The following EXOC8 variants were observed in gnomAD, a reference collection of about 807,000 sequenced individuals.
The protein encoded by EXOC8 is exocyst complex 84 kDa subunit.
Under a neutral mutation model 50.8 loss-of-function variants are expected in EXOC8, and 19 were observed. That is an observed-to-expected ratio of 0.37 (90% CI 0.26 to 0.55). The LOEUF (loss-of-function observed/expected upper bound fraction) is 0.55. Among genes scored for constraint, EXOC8 ranks in the 20% least tolerant of loss-of-function variants. The pLI is 0.80. For missense variants in EXOC8, 781 were observed against 915.8 expected (o/e 0.85, Z 1.90); for synonymous variants, 384 against 367.9 (o/e 1.04, Z -0.50).
Position 231,335,641 on chromosome 1 carries a change from T to C in EXOC8, c.2105A>G (p.Lys702Arg), listed in dbSNP as rs754306236. ...RFEEGVGKPA[K>R]QLQDLRNASR... is the part of the protein sequence containing the mutation. ...TGCATTCCTCAGATCTTGGAGTTGCTTGGCAGGTTTCCCCACACCTTCTTC... is the reference window on the plus strand; with the variant it reads ...TGCATTCCTCAGATCTTGGAGTTGCCTGGCAGGTTTCCCCACACCTTCTTC... Residue 702 changes from lysine to arginine, a missense_variant, in exon 1 of 1, where the codon AAG (lysine) becomes AGG (arginine). Physicochemically the swap from Lys to Arg is conservative, Grantham distance 26. Coordinates refer to ENST00000366645, the MANE Select transcript of EXOC8 (RefSeq NM_175876.5). The C allele has an allele frequency of 2.5e-6, 4 of 1,614,188 alleles. No individual in the cohort carries two copies. In the Admixed American group the frequency reaches 5.0e-5, roughly 20 times the overall value.
chr1:231,336,323 C>A lies in EXOC8; in HGVS notation c.1423G>T (p.Glu475Ter). Reference sequence around the variant, plus strand: ...CTGTCAGTGCCTGCAAAATCGATCTCAAATTCTCTTGCAGTCTCGAGAAGG... The same window carrying A: ...CTGTCAGTGCCTGCAAAATCGATCTAAAATTCTCTTGCAGTCTCGAGAAGG... ...TSLLETAREF[E>*]IDFAGTDSGC... is the part of the protein sequence containing the mutation. Residue 475 changes from glutamate (E) to a stop codon, truncating the protein, a stop_gained, in exon 1 of 1, where the codon GAG becomes TAG. Transcript: ENST00000366645. LOFTEE classifies it high-confidence loss of function. The surrounding 1 kb of genome is among the most constrained non-coding windows in gnomAD (Gnocchi z 5.4). 1 of 1,614,018 alleles carries A rather than the reference C, an allele frequency of 6.2e-7. No individual in the cohort carries two copies. Among genetic ancestry groups the A allele is most frequent in the Non-Finnish European group, 8.5e-7 (1 of 1,179,984 alleles).
Position 231,337,035 on chromosome 1 carries a change from G to A in EXOC8, c.711C>T (p.Ala237=), listed in dbSNP as rs533997071. 2 of 1,613,976 alleles carry A rather than the reference G, an allele frequency of 1.2e-6. No homozygotes were observed. The highest frequency in any genetic ancestry group is 1.3e-5 in the African/African-American group (1 of 74,974). The change falls in exon 1 of 1, where the codon GCC becomes GCT. Residue 237 remains alanine, a synonymous_variant. Coordinates refer to ENST00000366645, the MANE Select transcript of EXOC8 (RefSeq NM_175876.5). The surrounding 1 kb of genome is among the most constrained non-coding windows in gnomAD (Gnocchi z 5.9). ...GCGGGTTGTCCTTGACATTGACTAC[G>A]GCCAAACCATCTAGGGAATAGAGAG... The part of the protein sequence containing the change: ...YNALYSLDGL[A]VVNVKDNPPM...
In EXOC8 at chr1:231,336,620, C is replaced by G; in HGVS notation, c.1126G>C (p.Val376Leu). Reference sequence around the variant, plus strand: ...TCCACTTTGGCCCTTAGTTCTTTTACAGGAGGTGGGCTAGGTTTATCTTCC... The same window carrying G: ...TCCACTTTGGCCCTTAGTTCTTTTAGAGGAGGTGGGCTAGGTTTATCTTCC... The part of the protein sequence containing the change: ...YLEDKPSPPP[V>L]KELRAKVEER... Residue 376 changes from valine to leucine, a missense_variant, in exon 1 of 1, where the codon GTA (valine) becomes CTA (leucine). By Grantham distance (32) the Val-to-Leu change is conservative (BLOSUM62 1). Transcript: ENST00000366645. This position sits in a 1 kb window ranked among gnomAD's most constrained non-coding sequence, Gnocchi z 5.4. The G allele has an allele frequency of 6.2e-7, 1 of 1,614,178 alleles. No individual in the cohort carries two copies. Among genetic ancestry groups the G allele is most frequent in the Non-Finnish European group, 8.5e-7 (1 of 1,180,042 alleles).
rs777677749 is a variant in EXOC8 at position 231,333,607 on chromosome 1, A to T, written c.*1961T>A. On this transcript the variant is annotated 3_prime_UTR_variant, in exon 1 of 1. Coordinates refer to ENST00000366645, the MANE Select transcript of EXOC8 (RefSeq NM_175876.5). ...GCACAGAATAATCATAATTATCACA[A>T]AATTTTATCAATTTCCAGTGATCTT... is the stretch of plus-strand genomic sequence containing the variant. 3 of 152,642 alleles carry T rather than the reference A, an allele frequency of 2.0e-5. No individual in the cohort carries two copies. The highest frequency in any genetic ancestry group is 2.9e-5 in the Non-Finnish European group (2 of 68,030). 9.5% of individuals were successfully genotyped at this position (152,642 alleles called of 1,614,324 possible). A position where few individuals can be genotyped will look rare whatever the true frequency, so the allele number is the denominator to read the frequency against.
chr1:231,337,547 A>G lies in EXOC8; in HGVS notation c.199T>C (p.Tyr67His). 1 of 1,613,230 alleles carries G rather than the reference A, an allele frequency of 6.2e-7. No individual in the cohort carries two copies. Among genetic ancestry groups the G allele is most frequent in the Non-Finnish European group, 8.5e-7 (1 of 1,179,940 alleles). The change falls in exon 1 of 1, where the codon TAC (tyrosine) becomes CAC (histidine). Residue 67 changes from tyrosine (Y) to histidine (H), a missense_variant. Tyr to His is a moderately conservative substitution (Grantham distance 83, BLOSUM62 2). Transcript: ENST00000366645. The surrounding 1 kb of genome is among the most constrained non-coding windows in gnomAD (Gnocchi z 5.9). ...CGGGCCGTCTCTATGAACTGCCGGTAGTTCTGGTAGACGTTGCGCTTCAGG... is the reference window on the plus strand; with the variant it reads ...CGGGCCGTCTCTATGAACTGCCGGTGGTTCTGGTAGACGTTGCGCTTCAGG... ...QNLKRNVYQNYRQFIETAREI... is the reference protein window; with the variant it reads ...QNLKRNVYQNHRQFIETAREI...
rs779190697 is a variant in EXOC8 at position 231,337,427 on chromosome 1, G to A, written c.319C>T (p.Pro107Ser). 6.2e-7 allele frequency: 1 copy of A among 1,608,374 alleles called. No individual in the cohort carries two copies. Among genetic ancestry groups the A allele is most frequent in the Non-Finnish European group, 8.5e-7 (1 of 1,179,772 alleles). The change falls in exon 1 of 1, where the codon CCT (proline) becomes TCT (serine). Residue 107 changes from proline (P) to serine (S), a missense_variant. Physicochemically the swap from Pro to Ser is moderately conservative, Grantham distance 74. Around this residue, in one of 3 missense-constraint regions of EXOC8, gnomAD observed 700 missense variants for 804.1 expected, o/e 0.87. Transcript: ENST00000366645. The surrounding 1 kb of genome is among the most constrained non-coding windows in gnomAD (Gnocchi z 5.9). ...SLESIPLTLL[P>S]AAAAAGAAAA... ...GCGGCTCCGGCGGCAGCAGCGGCAG[G>A]CAGCAACGTAAGCGGGATGCTCTCC...
At position 231,337,451 on chromosome 1, in the gene EXOC8, C is replaced by T. The variant is rs761357286; in HGVS notation, c.295G>A (p.Glu99Lys). ...HLLTEQKSSL[E>K]SIPLTLLPAA... ...GGCAGCAACGTAAGCGGGATGCTCT[C>T]CAGGCTGCTTTTCTGCTCGGTCAGC... The change falls in exon 1 of 1, where the codon GAG becomes AAG. Residue 99 changes from glutamate to lysine, a missense_variant. Around this residue, in one of 3 missense-constraint regions of EXOC8, gnomAD observed 700 missense variants for 804.1 expected, o/e 0.87. Transcript: ENST00000366645. This position sits in a 1 kb window ranked among gnomAD's most constrained non-coding sequence, Gnocchi z 5.9. The T allele has an allele frequency of 2.5e-6, 4 of 1,611,932 alleles. No homozygotes were observed. The highest frequency in any genetic ancestry group is 1.1e-5 in the South Asian group (1 of 91,068).
chr1:231,337,684 C>A lies in EXOC8; in HGVS notation c.62G>T (p.Gly21Val), dbSNP rs143246597. 5 of 1,608,898 alleles carry A rather than the reference C, an allele frequency of 3.1e-6. No homozygotes were observed. The highest frequency in any genetic ancestry group is 2.5e-6 in the Non-Finnish European group (3 of 1,179,442). The change falls in exon 1 of 1, where the codon GGT (glycine) becomes GTT (valine). Residue 21 changes from glycine to valine, a missense_variant. Transcript: ENST00000366645. The surrounding 1 kb of genome is among the most constrained non-coding windows in gnomAD (Gnocchi z 5.9). ...CTTCACGTACAGCCGCGCCTCAAAA[C>A]CCCCTGACTCCAGCTGCCGACGCAG... is the stretch of plus-strand genomic sequence containing the variant. ...SRLRRQLESG[G>V]FEARLYVKQL...
In EXOC8 at chr1:231,334,966, ACT is replaced by A. The variant is rs1466540152; in HGVS notation, c.*600_*601del. On this transcript the variant is annotated 3_prime_UTR_variant, in exon 1 of 1. Transcript: ENST00000366645. ...TGAACTGGGAAACTTCACAACATAA[ACT>A]CTATGTATTTATAGATATTATGACT... 1 of 152,030 alleles carries A rather than the reference ACT, an allele frequency of 6.6e-6. No individual in the cohort carries two copies. Among genetic ancestry groups the A allele is most frequent in the African/African-American group, 2.4e-5 (1 of 41,374 alleles). 9.4% of individuals were successfully genotyped at this position (152,030 alleles called of 1,614,324 possible).
chr1:231,336,169 T>G lies in EXOC8; in HGVS notation c.1577A>C (p.Lys526Thr), dbSNP rs1686669048. The change falls in exon 1 of 1, where the codon AAG (lysine) becomes ACG (threonine). Residue 526 changes from lysine (K) to threonine (T), a missense_variant. Lys to Thr is a moderately conservative substitution (Grantham distance 78). This residue lies in a region of EXOC8 where 700 missense variants were observed against 804.1 expected (regional missense o/e 0.87). Transcript: ENST00000366645. The surrounding 1 kb of genome is among the most constrained non-coding windows in gnomAD (Gnocchi z 5.4). ...ATCACCCAGTTGCTGGCAATGCTCCTTAGCCACTTTTACACACTCAGCTGC... is the reference window on the plus strand; with the variant it reads ...ATCACCCAGTTGCTGGCAATGCTCCGTAGCCACTTTTACACACTCAGCTGC... ...STAAECVKVA[K>T]EHCQQLGDIG... 6.2e-7 allele frequency: 1 copy of G among 1,614,066 alleles called. No individual in the cohort carries two copies. Among genetic ancestry groups the G allele is most frequent in the Admixed American group, 1.7e-5 (1 of 60,006 alleles).
Position 231,337,062 on chromosome 1 carries a change from G to A in EXOC8, c.684C>T (p.Asn228=). 6.2e-7 allele frequency: 1 copy of A among 1,614,098 alleles called. No homozygotes were observed. Among genetic ancestry groups the A allele is most frequent in the Non-Finnish European group, 8.5e-7 (1 of 1,180,038 alleles). The change falls in exon 1 of 1, where the codon AAC becomes AAT. Residue 228 remains asparagine (N), a synonymous_variant. Coordinates refer to ENST00000366645, the MANE Select transcript of EXOC8 (RefSeq NM_175876.5). The surrounding 1 kb of genome is among the most constrained non-coding windows in gnomAD (Gnocchi z 5.9). ...CCAAACCATCTAGGGAATAGAGAGC[G>A]TTGTAGCGATACATCCCACGCCGCT... ...LPQRRGMYRY[N]ALYSLDGLAV...
rs1453437440 is a variant in EXOC8, at chr1:231,336,103, A to G, written c.1643T>C (p.Val548Ala). The change falls in exon 1 of 1, where the codon GTG becomes GCG. Residue 548 changes from valine (V) to alanine (A), a missense_variant. Val to Ala is a moderately conservative substitution (Grantham distance 64, BLOSUM62 0). Transcript: ENST00000366645. The surrounding 1 kb of genome is among the most constrained non-coding windows in gnomAD (Gnocchi z 5.4). ...DLTFIIHALL[V>A]KDIQGALHSY... ...GTGCAAGGCCCCTTGGATGTCTTTC[A>G]CCAGAAGGGCATGGATGATGAAGGT... is the stretch of plus-strand genomic sequence containing the variant. 1 of 1,614,164 alleles carries G rather than the reference A, an allele frequency of 6.2e-7. No individual in the cohort carries two copies. The highest frequency in any genetic ancestry group is 1.1e-5 in the South Asian group (1 of 91,082).
In EXOC8 at chr1:231,335,451, C is replaced by A. The variant is rs1686644633; in HGVS notation, c.*117G>T. 3.0e-6 allele frequency: 3 copies of A among 1,014,132 alleles called. No individual in the cohort carries two copies. The highest frequency in any genetic ancestry group is 3.2e-5 in the East Asian group (1 of 31,276). 62.8% of individuals were successfully genotyped at this position (1,014,132 alleles called of 1,614,324 possible). A position where few individuals can be genotyped will look rare whatever the true frequency, so the allele number is the denominator to read the frequency against. On this transcript the variant is annotated 3_prime_UTR_variant, in exon 1 of 1. Transcript: ENST00000366645. ...TGATTTTTGTATTTTTAAGAGGGCACTTTTAATTTTCAAGTTGTGTTTGAA... is the reference window on the plus strand; with the variant it reads ...TGATTTTTGTATTTTTAAGAGGGCAATTTTAATTTTCAAGTTGTGTTTGAA...
Position 231,336,322 on chromosome 1 carries a change from T to A in EXOC8, c.1424A>T (p.Glu475Val). ...GCTGTCAGTGCCTGCAAAATCGATC[T>A]CAAATTCTCTTGCAGTCTCGAGAAG... ...TSLLETAREF[E>V]IDFAGTDSGC... Residue 475 changes from glutamate (E) to valine (V), a missense_variant, in exon 1 of 1, where the codon GAG becomes GTG. By Grantham distance (121) the Glu-to-Val change is moderately radical. Transcript: ENST00000366645. The surrounding 1 kb of genome is among the most constrained non-coding windows in gnomAD (Gnocchi z 5.4). 1 of 1,614,004 alleles carries A rather than the reference T, an allele frequency of 6.2e-7. No homozygotes were observed. The highest frequency in any genetic ancestry group is 8.5e-7 in the Non-Finnish European group (1 of 1,179,982).
Position 231,335,587 on chromosome 1 carries a change from CT to C in EXOC8, c.2158del (p.Ser720ValfsTer59). 1 of 1,610,312 alleles carries C rather than the reference CT, an allele frequency of 6.2e-7. No individual in the cohort carries two copies. Among genetic ancestry groups the C allele is most frequent in the Non-Finnish European group, 8.5e-7 (1 of 1,178,230 alleles). On this transcript the variant is annotated frameshift_variant, in exon 1 of 1. Coordinates refer to ENST00000366645, the MANE Select transcript of EXOC8 (RefSeq NM_175876.5). LOFTEE classifies it high-confidence loss of function. ...ASRLIRVNPE[S>X]TTSVV is the part of the protein sequence containing the mutation. ...CAAGCATTAGACCACTGATGTTGTA[CT>C]TTCAGGATTCACACGAATAAGTCTA...
Position 231,336,802 on chromosome 1 carries a change from T to A in EXOC8, c.944A>T (p.Asp315Val). The change falls in exon 1 of 1, where the codon GAC (aspartate) becomes GTC (valine). Residue 315 changes from aspartate to valine, a missense_variant. Coordinates refer to ENST00000366645, the MANE Select transcript of EXOC8 (RefSeq NM_175876.5). This position sits in a 1 kb window ranked among gnomAD's most constrained non-coding sequence, Gnocchi z 5.4. ...AGGAACAGCTGGTTCTTCTTCTTCG[T>A]CATCCTCAAATGGGTTAGTGGCCTT... is the stretch of plus-strand genomic sequence containing the variant. ...TSKATNPFED[D>V]EEEEPAVPEV... 1.2e-6 allele frequency: 2 copies of A among 1,614,210 alleles called. No individual in the cohort carries two copies. The highest frequency in any genetic ancestry group is 2.2e-5 in the South Asian group (2 of 91,080).
Position 231,335,684 on chromosome 1 carries a change from C to A in EXOC8, c.2062G>T (p.Val688Leu), listed in dbSNP as rs750962676. The change falls in exon 1 of 1, where the codon GTG becomes TTG. Residue 688 changes from valine (V) to leucine (L), a missense_variant. Physicochemically the swap from Val to Leu is conservative, Grantham distance 32. This residue lies in a region of EXOC8 where 79 missense variants were observed against 95.3 expected (regional missense o/e 0.83). Transcript: ENST00000366645. Reference protein sequence around the residue: ...ASFLYETVLPVVEKRFEEGVG... With the variant: ...ASFLYETVLPLVEKRFEEGVG... ...CCTTCTTCAAACCTTTTCTCCACCACAGGGAGGACTGTTTCATATAAAAAG... is the reference window on the plus strand; with the variant it reads ...CCTTCTTCAAACCTTTTCTCCACCAAAGGGAGGACTGTTTCATATAAAAAG... The A allele has an allele frequency of 5.0e-6, 8 of 1,614,188 alleles. No individual in the cohort carries two copies. The highest frequency in any genetic ancestry group is 6.8e-6 in the Non-Finnish European group (8 of 1,180,042).
chr1:231,335,869 C>T lies in EXOC8; in HGVS notation c.1877G>A (p.Gly626Asp), dbSNP rs1251067007. Residue 626 changes from glycine (G) to aspartate (D), a missense_variant, in exon 1 of 1, where the codon GGC (glycine) becomes GAC (aspartate). This residue lies in a region of EXOC8 where 700 missense variants were observed against 804.1 expected (regional missense o/e 0.87). Transcript: ENST00000366645. ...CAGCTTCAGGGCCTCTTCCAAGAAG[C>T]CCATGGTCTGTTTGGTGAAAGCAAC... Reference protein sequence around the residue: ...TVVAFTKQTMGFLEEALKLYF... With the variant: ...TVVAFTKQTMDFLEEALKLYF... 1.2e-6 allele frequency: 2 copies of T among 1,614,182 alleles called. No individual in the cohort carries two copies. Among genetic ancestry groups the T allele is most frequent in the African/African-American group, 2.7e-5 (2 of 75,052 alleles).
In EXOC8 at chr1:231,333,118, T is replaced by C. The variant is rs935983042; in HGVS notation, c.*2450A>G. ...GCAAACAAGAAAAGGCAATCAATGCTTAAGTGGTATATTTTAGTATATATT... is the reference window on the plus strand; with the variant it reads ...GCAAACAAGAAAAGGCAATCAATGCCTAAGTGGTATATTTTAGTATATATT... On this transcript the variant is annotated 3_prime_UTR_variant, in exon 1 of 1. Coordinates refer to ENST00000366645, the MANE Select transcript of EXOC8 (RefSeq NM_175876.5). The C allele has an allele frequency of 3.2e-4, 49 of 152,370 alleles. No homozygotes were observed. The highest frequency in any genetic ancestry group is 7.8e-4 in the Admixed American group (12 of 15,308). The allele number at this position is 152,370 out of a possible 1,614,324, so 9.4% of individuals were successfully genotyped here. A position where few individuals can be genotyped will look rare whatever the true frequency, so the allele number is the denominator to read the frequency against.
Sources: gnomAD v4.1 joint callset for allele counts on GRCh38, gnomAD v4.1.1 for gene constraint, gnomAD v4.1.1 regional missense constraint, Gnocchi (gnomAD v3.1) non-coding constraint, MANE v1.5 for transcripts, NCBI Gene and HGNC (gene_info 2026-07-23, HGNC 2026-07-21) for gene names.